Variants in SNX10 observed in about 807,000 individuals in gnomAD.
SNX10 encodes sorting nexin-10.
In SNX10, 25 loss-of-function variants were observed where a neutral mutation model predicts 28.5. The observed-to-expected ratio is 0.88, with a 90% CI of 0.64 to 1.22. The LOEUF (loss-of-function observed/expected upper bound fraction) is 1.22. Among genes scored for constraint, SNX10 ranks in the 50% most tolerant of loss-of-function variants. SNX10 has a pLI of 0.00. For missense variants in SNX10, 223 were observed against 242.6 expected, an observed-to-expected ratio of 0.92 and a Z score of 0.54; for synonymous variants, 62 against 81.4, an observed-to-expected ratio of 0.76 and a Z score of 1.28.
intron 2 of SNX10, among the ~76,000 whole-genome samples, chr7:26,358,356 G>T (rs1041679842): frequency 6.6e-6 from 1 of 152,136 alleles, no homozygotes; most frequent in Admixed American, 6.6e-5. Flanking sequence ...TTTAAAAATG[G>T]TTTTTAAATC....
In SNX10 at chr7:26,320,085, G is replaced by T. The variant is rs192736412; in HGVS notation, c.-23-26335G>T. ...CAACCTCCACCTCCCGGGTTCAAGC[G>T]ATTCTTCTGCCTCAGCCTCTCGAGT... On this transcript the variant is annotated intron_variant, in intron 1 of 6. Transcript: ENST00000338523. Among the ~76,000 whole-genome samples the T allele has an allele frequency of 1.1e-3, 163 of 152,018 alleles. 1 individual carries two copies. The highest frequency in any genetic ancestry group is 1.7e-3 in the Non-Finnish European group (118 of 67,974).
chr7:26,359,704 G>A (rs1284718022), intron 2 of SNX10, among the ~76,000 whole-genome samples: 1 of 149,854 alleles, frequency 6.7e-6, no homozygotes, highest in Non-Finnish European at 1.5e-5. Flanking sequence ...TTGCTCTGTC[G>A]CCAGGCTGGA....
chr7:26,364,280 T>G lies in SNX10; in HGVS notation c.112-255T>G. The stretch of plus-strand genomic sequence containing the variant: ...GCTCATAGGTGAGTAGGAGGCTCCT[T>G]CAGGATGCAGGGAGTGGCCAGGTCA... On this transcript the variant is annotated intron_variant, in intron 3 of 6. Transcript: ENST00000338523. This position sits in a 1 kb window ranked among gnomAD's most constrained non-coding sequence, Gnocchi z 4.9. 2.6e-6 allele frequency: 3 copies of G among 1,136,112 alleles called. No individual in the cohort carries two copies. Among genetic ancestry groups the G allele is most frequent in the Non-Finnish European group, 3.3e-6 (3 of 920,368 alleles). 70.4% of individuals were successfully genotyped at this position (1,136,112 alleles called of 1,614,324 possible). A position where few individuals can be genotyped will look rare whatever the true frequency, so the allele number is the denominator to read the frequency against.
intron 1 of SNX10, among the ~76,000 whole-genome samples, chr7:26,316,919 G>A (rs965549687): frequency 2.6e-5 from 4 of 152,164 alleles, no homozygotes; most frequent in Non-Finnish European, 5.9e-5. Flanking sequence ...ATTTTAAGAT[G>A]CAAATGTTAG....
intron 1 of SNX10, among the ~76,000 whole-genome samples, chr7:26,297,380 C>T (rs1269851050): frequency 6.6e-6 from 1 of 152,190 alleles, no homozygotes; most frequent in African/African-American, 2.4e-5. Flanking sequence ...AGGAATAAGG[C>T]ACCGCAGCTG....
chr7:26,372,558 C>CCCT lies in SNX10; in HGVS notation c.593_594insCTC (p.Pro198_Gln199insSer), dbSNP rs1562825938. 1.3e-6 allele frequency: 2 copies of CCCT among 1,592,062 alleles called. No homozygotes were observed. On this transcript the variant is annotated inframe_insertion, in exon 7 of 7. Transcript: ENST00000338523. ...ACATGGATGTAAAGTAAATACAGCTCCGCAGGAATCCTGAAAAATAATTCT... is the reference window on the plus strand; with the variant it reads ...ACATGGATGTAAAGTAAATACAGCTCCCTCGCAGGAATCCTGAAAAATAATTCT...
At chr7:26,315,909 G>A (rs13243412) in intron 1 of SNX10, among the ~76,000 whole-genome samples, 51,275 of 151,566 alleles carry the variant, frequency 0.34, 10,696 homozygotes, top group South Asian at 0.48. Flanking sequence ...TTGGCTGGGC[G>A]CGATGGCTCA....
intron 5 of SNX10, chr7:26,370,834 C>T (rs1329721624): frequency 2.6e-5 from 4 of 152,226 alleles, no homozygotes; most frequent in South Asian, 2.1e-4. Context: ...TTAGTTTTGT[C>T]CCCTGTATCT....
chr7:26,302,146 C>T lies in SNX10; in HGVS notation c.-24+10060C>T, dbSNP rs576848562. Among the ~76,000 whole-genome samples the T allele has an allele frequency of 2.6e-5, 4 of 152,068 alleles. No individual in the cohort carries two copies. The South Asian group carries it at 8.3e-4, about 32-fold the overall frequency. ...TATTTTCATCTCCTTTTTTTCCAAT[C>T]TCCCTTCCCATTTTCCATCTCAGGT... On this transcript the variant is annotated intron_variant, in intron 1 of 6. Coordinates refer to ENST00000338523, the MANE Select transcript of SNX10 (RefSeq NM_013322.3).
chr7:26,292,008 G>A lies in SNX10; in HGVS notation c.-102G>A, dbSNP rs71532932. Reference sequence around the variant, plus strand: ...CTCGCCGCCGCCGCTGCCGCCGCGCGCCTTTGAGTCAGCAAACTCCGCGGC... The same window carrying A: ...CTCGCCGCCGCCGCTGCCGCCGCGCACCTTTGAGTCAGCAAACTCCGCGGC... On this transcript the variant is annotated 5_prime_UTR_variant, in exon 1 of 7. Coordinates refer to ENST00000338523, the MANE Select transcript of SNX10 (RefSeq NM_013322.3). 5.8e-3 allele frequency: 870 copies of A among 151,094 alleles called. 4 individuals are homozygous for A. Among genetic ancestry groups the A allele is most frequent in the Non-Finnish European group, 8.9e-3 (602 of 67,746 alleles). The allele number at this position is 151,094 out of a possible 1,614,324, so 9.4% of individuals were successfully genotyped here. A position where few individuals can be genotyped will look rare whatever the true frequency, so the allele number is the denominator to read the frequency against.
At chr7:26,345,539 C>T (rs754155217) in intron 1 of SNX10, among the ~76,000 whole-genome samples, 3 of 152,202 alleles carry the variant, frequency 2.0e-5, no homozygotes, top group Admixed American at 1.3e-4. Flanking sequence ...CACCTCCACA[C>T]GGCCCTGGAA....
chr7:26,351,193 G>A (rs1395388444), intron 2 of SNX10, among the ~76,000 whole-genome samples: 2 of 152,142 alleles, frequency 1.3e-5, no homozygotes, highest in African/African-American at 2.4e-5. Flanking sequence ...ATTAGAAGTG[G>A]CTTAGGAAAA....
intron 1 of SNX10, among the ~76,000 whole-genome samples, chr7:26,293,961 C>T (rs1312289164): frequency 6.6e-6 from 1 of 152,204 alleles, no homozygotes; most frequent in Non-Finnish European, 1.5e-5. Context: ...GCCCTAGGAT[C>T]ACTACTTTCA....
At chr7:26,332,912 A>G (rs1301715339) in intron 1 of SNX10, among the ~76,000 whole-genome samples, 2 of 152,120 alleles carry the variant, frequency 1.3e-5, no homozygotes, top group Non-Finnish European at 2.9e-5. Context: ...TTTATTTCTC[A>G]ATTCTGTTCC....
intron 1 of SNX10, among the ~76,000 whole-genome samples, chr7:26,317,804 A>C (rs1298241943): frequency 6.6e-6 from 1 of 152,024 alleles, no homozygotes; most frequent in East Asian, 1.9e-4. Flanking sequence ...CTGAGATTAA[A>C]GGCACATACT....
intron 2 of SNX10, 167 bp from the exon 3 acceptor site, chr7:26,360,808 C>T (rs905581048): frequency 5.4e-5 from 53 of 984,834 alleles, no homozygotes; most frequent in Middle Eastern, 5.2e-4. Context: ...TAGATTTGCT[C>T]GTGGTGCCTG....
chr7:26,295,754 C>A (rs997449241), intron 1 of SNX10, among the ~76,000 whole-genome samples: 1 of 152,188 alleles, frequency 6.6e-6, no homozygotes, highest in East Asian at 1.9e-4. Flanking sequence ...TGTCAAAATA[C>A]GACATCGTTT....
chr7:26,353,859 A>C (rs1039516397), intron 2 of SNX10, among the ~76,000 whole-genome samples: 1 of 152,234 alleles, frequency 6.6e-6, no homozygotes, highest in Admixed American at 6.5e-5. Context: ...TAAATACATG[A>C]ACATGTAAAA....
At chr7:26,351,548 C>T (rs1788595064) in intron 2 of SNX10, among the ~76,000 whole-genome samples, 1 of 150,836 alleles carries the variant, frequency 6.6e-6, no homozygotes, top group Non-Finnish European at 1.5e-5. Flanking sequence ...AAGAGGAGCC[C>T]AAGGAAACAC....
Sources: gnomAD v4.1 joint callset for allele counts (sites outside exome capture counted in the v4.1 genomes callset) on GRCh38, gnomAD v4.1.1 for gene constraint, Gnocchi (gnomAD v3.1) non-coding constraint, MANE v1.5 for transcripts, NCBI Gene and HGNC (gene_info 2026-07-23, HGNC 2026-07-21) for gene names.